SIMC1: variants seen among roughly 807,000 people sequenced by gnomAD.
SIMC1 encodes the protein SUMO-interacting motif-containing protein 1.
SIMC1 carries 55 observed loss-of-function variants against 82.3 expected under a neutral mutation model. That is an observed-to-expected ratio of 0.67 (90% CI 0.54 to 0.84). The LOEUF is 0.84. Among genes scored for constraint, SIMC1 ranks in the 40% least tolerant of loss-of-function variants. SIMC1 has a pLI of 0.00. For missense variants in SIMC1, 915 were observed against 1,107.2 expected, an observed-to-expected ratio of 0.83 and a Z score of 2.46; for synonymous variants, 353 against 426.3, an observed-to-expected ratio of 0.83 and a Z score of 2.12.
In SIMC1 at chr5:176,342,440, TTTAAGTA is replaced by T. The variant is rs1370229380; in HGVS notation, c.2414-2741_2414-2735del. ...CATTACCTTATGTTAGCTGAAACAC[TTTAAGTA>T]TCAAATGTAATTTTCATTGCCTTCC... On this transcript the variant is annotated intron_variant, in intron 9 of 9. Transcript: ENST00000429602. Among the ~76,000 whole-genome samples the T allele has an allele frequency of 3.3e-5, 5 of 152,204 alleles. No homozygotes were observed. In the East Asian group the frequency reaches 9.6e-4, roughly 29 times the overall value.
intron 4 of SIMC1, chr5:176,308,262 A>G: frequency 6.5e-7 from 1 of 1,528,414 alleles, no homozygotes; most frequent in East Asian, 2.3e-5. Flanking sequence ...GAAAAGGTTG[A>G]TGCCATCAGA....
Position 176,324,621 on chromosome 5 carries a change from G to A in SIMC1, c.2043-8G>A, listed in dbSNP as rs770464365. Reference sequence around the variant, plus strand: ...CACACTCATCTGTGTCCTATGTTCTGGACTCAGGATTGTGTGCCAGCTTCA... The same window carrying A: ...CACACTCATCTGTGTCCTATGTTCTAGACTCAGGATTGTGTGCCAGCTTCA... On this transcript the variant is annotated splice_region_variant and splice_polypyrimidine_tract_variant and intron_variant, in intron 6 of 9. Coordinates refer to ENST00000429602, the MANE Select transcript of SIMC1 (RefSeq NM_001308195.2). 4.3e-6 allele frequency: 7 copies of A among 1,610,338 alleles called. No homozygotes were observed. In the Admixed American group the frequency reaches 1.0e-4, roughly 23 times the overall value.
At chr5:176,246,938 C>G (rs1761468675) in intron 1 of SIMC1, among the ~76,000 whole-genome samples, 1 of 152,088 alleles carries the variant, frequency 6.6e-6, no homozygotes. Flanking sequence ...AGGACATGAA[C>G]TTATCCTTTT....
rs576902198 is a variant in SIMC1 at position 176,339,283 on chromosome 5, G to GA, written c.2413+2139dup. The stretch of plus-strand genomic sequence containing the variant: ...GGAGGCTGAGGCAGGAGAATCATTT[G>GA]AACCCGGGAGGTGGAGGTTGCAGTG... On this transcript the variant is annotated intron_variant, in intron 9 of 9. Coordinates refer to ENST00000429602, the MANE Select transcript of SIMC1 (RefSeq NM_001308195.2). Among the ~76,000 whole-genome samples, 439 of 152,278 alleles carry GA rather than the reference G, an allele frequency of 2.9e-3. 16 individuals are homozygous for GA. The South Asian group carries it at 0.058, about 20-fold the overall frequency.
intron 1 of SIMC1, among the ~76,000 whole-genome samples, chr5:176,288,369 C>T (rs1367014415): frequency 6.6e-6 from 1 of 151,798 alleles, no homozygotes; most frequent in Non-Finnish European, 1.5e-5. Context: ...GATTGTACCA[C>T]TGCACTCCAG....
chr5:176,301,098 C>T (rs1303490740), intron 4 of SIMC1, among the ~76,000 whole-genome samples: 2 of 152,168 alleles, frequency 1.3e-5, no homozygotes, highest in Non-Finnish European at 2.9e-5. Context: ...GTGAGGCCAG[C>T]ATTACCCTGT....
At chr5:176,337,575 CAG>C (rs1263406862) in intron 9 of SIMC1, among the ~76,000 whole-genome samples, 1 of 152,168 alleles carries the variant, frequency 6.6e-6, no homozygotes, top group African/African-American at 2.4e-5. Context: ...GCCTGGGCAA[CAG>C]AGTGAGACCC....
At chr5:176,339,952 AGTGGTCT>A (rs1470205885) in intron 9 of SIMC1, among the ~76,000 whole-genome samples, 2 of 152,104 alleles carry the variant, frequency 1.3e-5, no homozygotes, top group African/African-American at 4.8e-5. Context: ...GCCTTCTGCG[AGTGGTCT>A]GTGGATGTTG....
At chr5:176,280,780 G>C (rs1475728399) in intron 1 of SIMC1, among the ~76,000 whole-genome samples, 1 of 152,170 alleles carries the variant, frequency 6.6e-6, no homozygotes, top group African/African-American at 2.4e-5. Context: ...CCGGCTTGTA[G>C]AGTTTCTCCC....
At chr5:176,247,843 A>C (rs1327052992) in intron 1 of SIMC1, among the ~76,000 whole-genome samples, 2 of 151,448 alleles carry the variant, frequency 1.3e-5, no homozygotes, top group Non-Finnish European at 2.9e-5. Context: ...AGTTTTCCCA[A>C]CACCATTTAT....
At chr5:176,342,152 T>TC (rs989850935) in intron 9 of SIMC1, among the ~76,000 whole-genome samples, 1 of 152,222 alleles carries the variant, frequency 6.6e-6, no homozygotes, top group African/African-American at 2.4e-5. Flanking sequence ...TCTTTCAAAA[T>TC]CATTTTTGTA....
At chr5:176,309,320 G>A (rs1367555676) in intron 4 of SIMC1, among the ~76,000 whole-genome samples, 1 of 152,126 alleles carries the variant, frequency 6.6e-6, no homozygotes, top group Non-Finnish European at 1.5e-5. Flanking sequence ...GACACCCATA[G>A]CAAGGAGAAA....
At chr5:176,304,226 C>CTCCCTG (rs1764173752) in intron 4 of SIMC1, 1 of 152,462 alleles carries the variant, frequency 6.6e-6, no homozygotes, top group Non-Finnish European at 1.5e-5. Context: ...CCCTCTCCCT[C>CTCCCTG]TCCCTCTCCC....
chr5:176,247,367 A>G lies in SIMC1; in HGVS notation c.129+8730A>G, dbSNP rs186088677. Among the ~76,000 whole-genome samples the G allele has an allele frequency of 3.0e-4, 46 of 152,174 alleles. No individual in the cohort carries two copies. The East Asian group carries it at 5.8e-3, about 19-fold the overall frequency. ...ATTTCTCTAATGACCAGTGATGATG[A>G]GCTTTTTTTCATATGTTTGTGGGCC... On this transcript the variant is annotated intron_variant, in intron 1 of 9. Coordinates refer to ENST00000429602, the MANE Select transcript of SIMC1 (RefSeq NM_001308195.2).
At chr5:176,294,670 A>G (rs1259922948) in intron 2 of SIMC1, among the ~76,000 whole-genome samples, 2 of 151,498 alleles carry the variant, frequency 1.3e-5, no homozygotes, top group Non-Finnish European at 1.5e-5. Flanking sequence ...TTTGTATACT[A>G]TAGAAATCCC....
intron 2 of SIMC1, among the ~76,000 whole-genome samples, chr5:176,293,796 T>G (rs1438164038): frequency 1.3e-5 from 2 of 151,784 alleles, no homozygotes; most frequent in African/African-American, 4.8e-5. Flanking sequence ...TATTAAACCC[T>G]CATATCAAAC....
intron 7 of SIMC1, among the ~76,000 whole-genome samples, chr5:176,333,421 T>C (rs1765752766): frequency 6.6e-6 from 1 of 152,062 alleles, no homozygotes; most frequent in South Asian, 2.1e-4. Context: ...TGTGGGGTTT[T>C]TTTGGTGTTT....
intron 4 of SIMC1, among the ~76,000 whole-genome samples, chr5:176,306,615 C>T (rs937406880): frequency 6.6e-6 from 1 of 151,378 alleles, no homozygotes; most frequent in African/African-American, 2.4e-5. Flanking sequence ...GACCTTACCC[C>T]CAACCCTGTG....
intron 1 of SIMC1, among the ~76,000 whole-genome samples, chr5:176,277,214 T>G (rs1762747944): frequency 6.6e-6 from 1 of 151,720 alleles, no homozygotes; most frequent in African/African-American, 2.4e-5. Context: ...ATGAGCATTT[T>G]TTCATGTGTT....
Sources: allele counts gnomAD v4.1 joint callset (sites outside exome capture counted in the v4.1 genomes callset), GRCh38; gene constraint gnomAD v4.1.1; transcripts MANE v1.5; gene names NCBI Gene and HGNC (gene_info 2026-07-23, HGNC 2026-07-21).